Variants in STAU2 observed in about 807,000 individuals in gnomAD.
STAU2 encodes double-stranded RNA-binding protein Staufen homolog 2.
In STAU2, 20 loss-of-function variants were observed where a neutral mutation model predicts 65.9. The observed-to-expected ratio is 0.30, with a 90% CI of 0.21 to 0.44. The LOEUF (loss-of-function observed/expected upper bound fraction) is 0.44, where lower values mean the gene tolerates loss of function less well. STAU2 is among the 20% of genes least tolerant of loss of function. The probability of loss-of-function intolerance (pLI) is 1.00; values close to 1 mark genes in which losing one functional copy is unlikely to be tolerated. For synonymous variants in STAU2, 232 were observed against 233.9 expected, an observed-to-expected ratio of 0.99 and a Z score of 0.07; for missense variants, 558 against 683.9, an observed-to-expected ratio of 0.82 and a Z score of 2.05.
chr8:73,667,803 C>T (rs1817345805), intron 6 of STAU2, among the ~76,000 whole-genome samples: 1 of 152,198 alleles, frequency 6.6e-6, no homozygotes, highest in Non-Finnish European at 1.5e-5. Context: ...CCTTCATTTG[C>T]TATTACTATC....
chr8:73,572,840 G>A (rs1307163524), intron 12 of STAU2, among the ~76,000 whole-genome samples: 5 of 152,160 alleles, frequency 3.3e-5, no homozygotes, highest in African/African-American at 1.2e-4. Context: ...ACTGGCTCAA[G>A]ACAGGGATGC....
intron 13 of STAU2, among the ~76,000 whole-genome samples, chr8:73,423,556 T>G (rs1395645727): frequency 1.3e-5 from 2 of 152,154 alleles, no homozygotes; most frequent in African/African-American, 4.8e-5. Flanking sequence ...GCTGTTTTCA[T>G]CCTGGGGCAT....
At chr8:73,661,404 C>T (rs1438777918) in intron 6 of STAU2, among the ~76,000 whole-genome samples, 1 of 150,774 alleles carries the variant, frequency 6.6e-6, no homozygotes, top group Admixed American at 6.6e-5. Flanking sequence ...ATATTTTTAG[C>T]CTCAAAGAAA....
intron 6 of STAU2, among the ~76,000 whole-genome samples, chr8:73,647,259 C>A (rs956797038): frequency 2.0e-5 from 3 of 151,414 alleles, no homozygotes; most frequent in African/African-American, 7.2e-5. Flanking sequence ...ACATTTATGT[C>A]CATACAAAAC....
intron 13 of STAU2, chr8:73,439,340 G>T: frequency 3.5e-6 from 1 of 287,890 alleles, no homozygotes; most frequent in Non-Finnish European, 6.8e-6. Flanking sequence ...GATTTGACTG[G>T]GCATGGTGGC....
At chr8:73,606,359 T>C (rs1266855978) in intron 9 of STAU2, among the ~76,000 whole-genome samples, 1 of 152,020 alleles carries the variant, frequency 6.6e-6, no homozygotes, top group Non-Finnish European at 1.5e-5. Flanking sequence ...ATCCAGAGTA[T>C]ATAAAGACCT....
At chr8:73,640,256 A>C (rs1814853519) in intron 6 of STAU2, among the ~76,000 whole-genome samples, 1 of 152,084 alleles carries the variant, frequency 6.6e-6, no homozygotes, top group African/African-American at 2.4e-5. Context: ...CAAAATTAGA[A>C]TAAAATATAC....
rs781366911 is a variant in STAU2 at position 73,603,765 on chromosome 8, T to C, written c.990A>G (p.Ser330=). The C allele has an allele frequency of 1.2e-6, 2 of 1,611,786 alleles. No homozygotes were observed. The highest frequency in any genetic ancestry group is 2.2e-5 in the East Asian group (1 of 44,874). The change falls in exon 10 of 15, where the codon TCA becomes TCG. Residue 330 remains serine (S), a synonymous_variant. Transcript: ENST00000524300. ...CTCGACGTCGAGGCATTCCTCTTTC[T>C]GAAAGCAAAACATAATCCGGCTCCT... is the stretch of plus-strand genomic sequence containing the variant. The part of the protein sequence containing the change: ...KEKEPDYVLL[S]ERGMPRRREF...
intron 5 of STAU2, among the ~76,000 whole-genome samples, chr8:73,676,786 G>A (rs1818056004): frequency 6.6e-6 from 1 of 152,014 alleles, no homozygotes; most frequent in Non-Finnish European, 1.5e-5. Flanking sequence ...AGTAAAGTTG[G>A]GGTTTCACCA....
intron 13 of STAU2, among the ~76,000 whole-genome samples, chr8:73,443,260 T>C (rs1818292881): frequency 6.6e-6 from 1 of 152,218 alleles, no homozygotes; most frequent in Admixed American, 6.5e-5. Context: ...TGAATTAATT[T>C]ATCAAAAGGC....
intron 4 of STAU2, among the ~76,000 whole-genome samples, chr8:73,706,504 C>A (rs1030001210): frequency 6.6e-6 from 1 of 152,034 alleles, no homozygotes; most frequent in Non-Finnish European, 1.5e-5. Flanking sequence ...TTATGTCTCA[C>A]CTAAAGGCCA....
At chr8:73,514,122 A>G (rs1822571499) in intron 13 of STAU2, among the ~76,000 whole-genome samples, 1 of 152,134 alleles carries the variant, frequency 6.6e-6, no homozygotes, top group South Asian at 2.1e-4. Context: ...CTACCTTTAG[A>G]ACTATTGTTA....
At chr8:73,443,420 G>T (rs1818302489) in intron 13 of STAU2, among the ~76,000 whole-genome samples, 1 of 152,174 alleles carries the variant, frequency 6.6e-6, no homozygotes, top group Non-Finnish European at 1.5e-5. Flanking sequence ...GAAAACGAAT[G>T]AATGAATACA....
intron 13 of STAU2, chr8:73,527,895 G>A (rs200964825): frequency 2.8e-4 from 13 of 46,942 alleles, no homozygotes; most frequent in Admixed American, 5.6e-4. Context: ...AGATTTCACA[G>A]AACACACTTT....
At chr8:73,685,099 T>A (rs1267580979) in intron 5 of STAU2, among the ~76,000 whole-genome samples, 1 of 152,190 alleles carries the variant, frequency 6.6e-6, no homozygotes. Context: ...AAGTTCCTCC[T>A]TCAGTCTTTT....
At chr8:73,666,376 C>CA (rs1817243279) in intron 6 of STAU2, among the ~76,000 whole-genome samples, 1 of 152,114 alleles carries the variant, frequency 6.6e-6, no homozygotes, top group African/African-American at 2.4e-5. Flanking sequence ...TTGGATGTTT[C>CA]AAAAAACTTC....
intron 13 of STAU2, among the ~76,000 whole-genome samples, chr8:73,544,532 C>T (rs565738169): frequency 6.1e-4 from 93 of 152,288 alleles, no homozygotes; most frequent in African/African-American, 2.1e-3. Flanking sequence ...AAACACCATG[C>T]CCTTTTATGT....
chr8:73,612,154 G>T (rs190970601), intron 9 of STAU2, among the ~76,000 whole-genome samples: 42 of 151,990 alleles, frequency 2.8e-4, no homozygotes, highest in South Asian at 1.5e-3. Flanking sequence ...ACAGTTCATG[G>T]ATATATTCAC....
At chr8:73,494,816 A>C (rs1247188180) in intron 13 of STAU2, among the ~76,000 whole-genome samples, 5 of 151,710 alleles carry the variant, frequency 3.3e-5, no homozygotes, top group African/African-American at 4.8e-5. Flanking sequence ...CTTTTATGAA[A>C]TATTATCTTA....
Sources: gnomAD v4.1 joint callset for allele counts (sites outside exome capture counted in the v4.1 genomes callset) on GRCh38, gnomAD v4.1.1 for gene constraint, MANE v1.5 for transcripts, NCBI Gene and HGNC (gene_info 2026-07-23, HGNC 2026-07-21) for gene names.